CDH6: variants seen among roughly 807,000 people sequenced by gnomAD.
CDH6 encodes cadherin-6.
A neutral mutation model predicts 78.0 loss-of-function variants in CDH6; 31 were observed. The ratio of observed to expected loss-of-function variants is 0.40; its 90% CI spans 0.30 to 0.54. The LOEUF is 0.54. Ranked by LOEUF, CDH6 falls within the 20% of genes least tolerant of loss-of-function variation. CDH6 has a pLI of 0.56. For missense variants in CDH6, 724 were observed against 975.9 expected, an observed-to-expected ratio of 0.74 and a Z score of 3.44; for synonymous variants, 376 against 368.8, an observed-to-expected ratio of 1.02 and a Z score of -0.23.
At chr5:31,247,883 T>G (rs1741800788) in intron 1 of CDH6, among the ~76,000 whole-genome samples, 1 of 152,154 alleles carries the variant, frequency 6.6e-6, no homozygotes, top group African/African-American at 2.4e-5. Flanking sequence ...CCTGTAAAAT[T>G]ACCCTGCAGC....
chr5:31,266,988 T>C (rs1420709402), intron 1 of CDH6, among the ~76,000 whole-genome samples: 1 of 152,202 alleles, frequency 6.6e-6, no homozygotes, highest in East Asian at 1.9e-4. Flanking sequence ...TGAGGATAAA[T>C]ATGCAAATAG....
chr5:31,324,812 C>T lies in CDH6; in HGVS notation c.*1504C>T, dbSNP rs780207786. ...GCAGATTCAAATCGTTTATTTCACACGCTGTTCTAATGGCACTTATCATTA... is the reference window on the plus strand; with the variant it reads ...GCAGATTCAAATCGTTTATTTCACATGCTGTTCTAATGGCACTTATCATTA... On this transcript the variant is annotated 3_prime_UTR_variant, in exon 12 of 12. Coordinates refer to ENST00000265071, the MANE Select transcript of CDH6 (RefSeq NM_004932.4). 9.7e-6 allele frequency: 2 copies of T among 205,440 alleles called. No homozygotes were observed. The highest frequency in any genetic ancestry group is 7.4e-5 in the East Asian group (1 of 13,452). The allele number at this position is 205,440 out of a possible 1,614,324, so 12.7% of individuals were successfully genotyped here.
At chr5:31,296,790 C>G (rs1737619927) in intron 3 of CDH6, among the ~76,000 whole-genome samples, 1 of 152,080 alleles carries the variant, frequency 6.6e-6, no homozygotes, top group South Asian at 2.1e-4. Context: ...TTCTATCCAG[C>G]TTTGTCCTCA....
At chr5:31,208,362 G>T (rs758857884) in intron 1 of CDH6, among the ~76,000 whole-genome samples, 16 of 152,100 alleles carry the variant, frequency 1.1e-4, no homozygotes, top group Non-Finnish European at 2.4e-4. Flanking sequence ...GGCCACGAGG[G>T]GTTTTAGACC....
At chr5:31,305,989 TAAGTAG>T (rs894414780) in intron 7 of CDH6, among the ~76,000 whole-genome samples, 22 of 152,332 alleles carry the variant, frequency 1.4e-4, no homozygotes, top group African/African-American at 5.1e-4. Flanking sequence ...GTTTACTGCT[TAAGTAG>T]AAGTAGTATA....
chr5:31,220,126 T>C (rs574480419), intron 1 of CDH6, among the ~76,000 whole-genome samples: 1 of 152,218 alleles, frequency 6.6e-6, no homozygotes, highest in African/African-American at 2.4e-5. Flanking sequence ...GTTCTTTATA[T>C]TTTTCTGTGA....
chr5:31,302,786 GAGAGAGAGAGAGAGAAAGAAAGAAAGAA>G (rs1249652806), intron 6 of CDH6, among the ~76,000 whole-genome samples: 2 of 54,494 alleles, frequency 3.7e-5, no homozygotes, highest in African/African-American at 1.5e-4. Context: ...GAAAGAGAGA[GAGAGAGAGAGAGAGAAAGAAAGAAAGAA>G]AGAAAGAAAG....
At chr5:31,280,021 CTTCAT>C (rs1742811924) in intron 2 of CDH6, among the ~76,000 whole-genome samples, 1 of 152,156 alleles carries the variant, frequency 6.6e-6, no homozygotes, top group East Asian at 1.9e-4. Flanking sequence ...AGTGGTGGTA[CTTCAT>C]TTCATTTTAT....
chr5:31,242,551 T>C lies in CDH6; in HGVS notation c.-128-24795T>C, dbSNP rs180988158. Reference sequence around the variant, plus strand: ...CTCACCATAACAGTGAATGTTGCAATGTAAGTCCGTTGATAGTAGCAGTGG... The same window carrying C: ...CTCACCATAACAGTGAATGTTGCAACGTAAGTCCGTTGATAGTAGCAGTGG... On this transcript the variant is annotated intron_variant, in intron 1 of 11. Transcript: ENST00000265071. Among the ~76,000 whole-genome samples, 8 of 152,254 alleles carry C rather than the reference T, an allele frequency of 5.3e-5. No individual in the cohort carries two copies. In the East Asian group the frequency reaches 1.4e-3, roughly 26 times the overall value.
intron 1 of CDH6, among the ~76,000 whole-genome samples, chr5:31,194,755 A>T (rs1740116529): frequency 6.6e-6 from 1 of 152,084 alleles, no homozygotes; most frequent in Non-Finnish European, 1.5e-5. Flanking sequence ...GGAAAATTGG[A>T]GCCCCCAATG....
chr5:31,302,266 G>C lies in CDH6; in HGVS notation c.967G>C (p.Glu323Gln). The change falls in exon 6 of 12, where the codon GAA becomes CAA. Residue 323 changes from glutamate to glutamine, a missense_variant. Physicochemically the swap from Glu to Gln is conservative, Grantham distance 29. This residue lies in a region of CDH6 where 446 missense variants were observed against 684.5 expected (regional missense o/e 0.65). Coordinates refer to ENST00000265071, the MANE Select transcript of CDH6 (RefSeq NM_004932.4). ...TATGTTTGATGTCATCACCGACCAGGAAACCCAGGAAGGGATTATAACTGT... is the reference window on the plus strand; with the variant it reads ...TATGTTTGATGTCATCACCGACCAGCAAACCCAGGAAGGGATTATAACTGT... ...LDMFDVITDQ[E>Q]TQEGIITVKK... The C allele has an allele frequency of 6.2e-7, 1 of 1,613,594 alleles. No individual in the cohort carries two copies. The highest frequency in any genetic ancestry group is 8.5e-7 in the Non-Finnish European group (1 of 1,179,620).
chr5:31,262,426 G>A (rs1408578702), intron 1 of CDH6, among the ~76,000 whole-genome samples: 1 of 152,120 alleles, frequency 6.6e-6, no homozygotes, highest in Non-Finnish European at 1.5e-5. Context: ...GCATACAAAC[G>A]ATTCCCTGTA....
intron 1 of CDH6, among the ~76,000 whole-genome samples, chr5:31,199,305 A>C (rs1740255776): frequency 6.6e-6 from 1 of 151,106 alleles, no homozygotes; most frequent in South Asian, 2.1e-4. Context: ...TAGTGGACAG[A>C]AGGAAAAGAG....
chr5:31,259,104 C>CATAACAAGTTCAGGGGTAGAAT (rs1187513392), intron 1 of CDH6, among the ~76,000 whole-genome samples: 1 of 152,170 alleles, frequency 6.6e-6, no homozygotes, highest in Non-Finnish European at 1.5e-5. Context: ...GTGCCTAGCA[C>CATAACAAGTTCAGGGGTAGAAT]ATAACAAGTT....
chr5:31,267,314 A>G (rs1383906272), intron 1 of CDH6, 32 bp from the exon 2 acceptor site: 10 of 593,040 alleles, frequency 1.7e-5, no homozygotes, highest in African/African-American at 1.3e-4. Flanking sequence ...AAGCATCTCT[A>G]AAAATGCTTG....
At chr5:31,318,195 G>T in intron 11 of CDH6, 1 of 590,286 alleles carries the variant, frequency 1.7e-6, no homozygotes, top group South Asian at 2.1e-5. Flanking sequence ...GAATCTCGGG[G>T]GATTTCAGGG....
chr5:31,292,597 TAG>T (rs753548461), intron 2 of CDH6, among the ~76,000 whole-genome samples: 17 of 151,942 alleles, frequency 1.1e-4, no homozygotes, highest in Non-Finnish European at 2.5e-4. Context: ...TGAAACAAGG[TAG>T]AGAGTAGCAG....
chr5:31,281,750 G>A (rs537798053), intron 2 of CDH6, among the ~76,000 whole-genome samples: 4 of 152,162 alleles, frequency 2.6e-5, no homozygotes, highest in East Asian at 1.9e-4. Context: ...CTTAGCCTGG[G>A]GTCTGATAAT....
At chr5:31,319,031 T>C (rs1738404820) in intron 11 of CDH6, 1 of 197,310 alleles carries the variant, frequency 5.1e-6, no homozygotes, top group Admixed American at 6.1e-5. Flanking sequence ...ACTGACAGTG[T>C]GCAAAGACAA....
Sources: allele counts gnomAD v4.1 joint callset (sites outside exome capture counted in the v4.1 genomes callset), GRCh38; gene constraint gnomAD v4.1.1; regional missense constraint gnomAD v4.1.1; transcripts MANE v1.5; gene names NCBI Gene and HGNC (gene_info 2026-07-23, HGNC 2026-07-21).